CABCOCO1: variants seen among roughly 807,000 people sequenced by gnomAD.
The protein encoded by CABCOCO1 is ciliary associated calcium binding coiled-coil 1.
Under a neutral mutation model 35.7 loss-of-function variants are expected in CABCOCO1, and 28 were observed. The ratio of observed to expected loss-of-function variants is 0.78; its 90% confidence interval spans 0.58 to 1.07. CABCOCO1 has a LOEUF of 1.07. Ranked by LOEUF, CABCOCO1 falls within the 50% of genes least tolerant of loss-of-function variation. CABCOCO1 has a pLI of 0.00. For missense variants in CABCOCO1, 326 were observed against 309.2 expected, an observed-to-expected ratio of 1.05 and a Z score of -0.41; for synonymous variants, 95 against 100.1, an observed-to-expected ratio of 0.95 and a Z score of 0.30.
At position 61,751,804 on chromosome 10, in the gene CABCOCO1, T is replaced by C. The variant is rs80250381; in HGVS notation, c.553-8255T>C. Among the ~76,000 whole-genome samples, 197 of 152,202 alleles carry C rather than the reference T, an allele frequency of 1.3e-3. 2 individuals carry two copies. Among genetic ancestry groups the C allele is most frequent in the African/African-American group, 4.5e-3 (187 of 41,534 alleles). The stretch of plus-strand genomic sequence containing the variant: ...TAATTTTACAAACAAAGAAACCACA[T>C]CTCAGACCTACTCTCAACTGAGCAG... On this transcript the variant is annotated intron_variant, in intron 5 of 7. Transcript: ENST00000648843.
In CABCOCO1 at chr10:61,672,685, A is replaced by T. The variant is rs944985527; in HGVS notation, c.114A>T (p.Ser38=). The change falls in exon 2 of 8, where the codon TCA becomes TCT. Residue 38 remains serine (S), a synonymous_variant. Transcript: ENST00000648843. ...HEKILSPDFL[S]VAQITDLLME... ...AGATTCTGTCTCCGGATTTTCTTTCAGTTGCCCAAATCACTGATTTGTTAA... is the reference window on the plus strand; with the variant it reads ...AGATTCTGTCTCCGGATTTTCTTTCTGTTGCCCAAATCACTGATTTGTTAA... 2.0e-6 allele frequency: 2 copies of T among 985,124 alleles called. No individual in the cohort carries two copies. Among genetic ancestry groups the T allele is most frequent in the Non-Finnish European group, 2.4e-6 (2 of 829,746 alleles). The allele number at this position is 985,124 out of a possible 1,614,324, so 61.0% of individuals were successfully genotyped here.
chr10:61,719,543 A>C (rs10821914), intron 5 of CABCOCO1, among the ~76,000 whole-genome samples: 106,333 of 152,002 alleles, frequency 0.7, 38,158 homozygotes, highest in Middle Eastern at 0.89. Flanking sequence ...AGCATAGGGT[A>C]TACACTTGCA....
At chr10:61,665,373 T>C (rs1839133262) in intron 1 of CABCOCO1, among the ~76,000 whole-genome samples, 1 of 152,194 alleles carries the variant, frequency 6.6e-6, no homozygotes, top group Non-Finnish European at 1.5e-5. Context: ...AGTTCTTTAG[T>C]AATATTGGAG....
chr10:61,698,454 A>T (rs1246997797), intron 5 of CABCOCO1, among the ~76,000 whole-genome samples: 1 of 152,148 alleles, frequency 6.6e-6, no homozygotes, highest in Non-Finnish European at 1.5e-5. Context: ...ATTATAATAA[A>T]TATGATATAC....
intron 3 of CABCOCO1, among the ~76,000 whole-genome samples, chr10:61,682,135 A>C (rs531308907): frequency 1.3e-5 from 2 of 152,304 alleles, no homozygotes; most frequent in African/African-American, 4.8e-5. Context: ...AAATTTGAGA[A>C]GATATTTCTT....
chr10:61,663,570 T>C (rs2131937817), intron 1 of CABCOCO1, among the ~76,000 whole-genome samples: 1 of 152,246 alleles, frequency 6.6e-6, no homozygotes, highest in East Asian at 1.9e-4. Flanking sequence ...TTTGCCATTT[T>C]CCTAAACAAA....
chr10:61,753,712 C>T (rs568403596), intron 5 of CABCOCO1, among the ~76,000 whole-genome samples: 44 of 152,206 alleles, frequency 2.9e-4, no homozygotes, highest in African/African-American at 1.0e-3. Flanking sequence ...AAACACTCTC[C>T]TTTTCTAAAT....
chr10:61,710,267 T>A (rs959794034), intron 5 of CABCOCO1, among the ~76,000 whole-genome samples: 14 of 55,970 alleles, frequency 2.5e-4, no homozygotes, highest in African/African-American at 3.6e-4. Context: ...TGTGTGTGTG[T>A]GTGTGTGTGT....
intron 5 of CABCOCO1, among the ~76,000 whole-genome samples, chr10:61,707,881 G>A (rs1483311343): frequency 1.3e-5 from 2 of 151,960 alleles, no homozygotes; most frequent in Admixed American, 6.6e-5. Flanking sequence ...CATGAGCTTG[G>A]TTCAAAGGTA....
chr10:61,688,382 T>A (rs1840029081), intron 4 of CABCOCO1, among the ~76,000 whole-genome samples: 1 of 152,114 alleles, frequency 6.6e-6, no homozygotes. Context: ...GACAATAAAA[T>A]GGAAATTTCA....
At chr10:61,691,143 A>G (rs189042494) in intron 5 of CABCOCO1, among the ~76,000 whole-genome samples, 17 of 152,128 alleles carry the variant, frequency 1.1e-4, no homozygotes, top group African/African-American at 4.1e-4. Context: ...GTGCCAAATG[A>G]TCTCTTATTG....
At chr10:61,730,321 C>T (rs149883289) in intron 5 of CABCOCO1, among the ~76,000 whole-genome samples, 1 of 152,034 alleles carries the variant, frequency 6.6e-6, no homozygotes, top group Non-Finnish European at 1.5e-5. Flanking sequence ...CTTGAAGGGA[C>T]TCCTCCTAGC....
At chr10:61,756,817 G>GT (rs2132088040) in intron 5 of CABCOCO1, among the ~76,000 whole-genome samples, 1 of 151,320 alleles carries the variant, frequency 6.6e-6, no homozygotes, top group Admixed American at 6.6e-5. Flanking sequence ...AAATAGGAGT[G>GT]TTTTTTTAAT....
chr10:61,713,699 T>C (rs1840788398), intron 5 of CABCOCO1, among the ~76,000 whole-genome samples: 1 of 152,202 alleles, frequency 6.6e-6, no homozygotes, highest in African/African-American at 2.4e-5. Flanking sequence ...ATACCTAGTT[T>C]ATTGAGAGTA....
intron 5 of CABCOCO1, among the ~76,000 whole-genome samples, chr10:61,729,667 G>A (rs893121921): frequency 4.6e-5 from 7 of 152,144 alleles, no homozygotes; most frequent in African/African-American, 1.7e-4. Context: ...TAGCACTCCT[G>A]TGTTCACCAC....
intron 5 of CABCOCO1, among the ~76,000 whole-genome samples, chr10:61,697,127 G>A (rs1162104654): frequency 1.3e-5 from 2 of 152,078 alleles, no homozygotes; most frequent in Non-Finnish European, 2.9e-5. Context: ...TTTTGTGAAT[G>A]TGAATATCTT....
In CABCOCO1 at chr10:61,681,298, T is replaced by A; in HGVS notation, c.320T>A (p.Leu107His). ...TTTATGACTTTACTAGCTATGTCAC[T>A]TCAAAATCTTAAAAGTAAGTACACT... is the stretch of plus-strand genomic sequence containing the variant. ...SKFMTLLAMS[L>H]QNLKTLHMSL... is the part of the protein sequence containing the mutation. Residue 107 changes from leucine to histidine, a missense_variant, in exon 3 of 8, where the codon CTT becomes CAT. Leu to His is a moderately conservative substitution (Grantham distance 99). Coordinates refer to ENST00000648843, the MANE Select transcript of CABCOCO1 (RefSeq NM_001366906.2). The A allele has an allele frequency of 6.5e-7, 1 of 1,547,730 alleles. No homozygotes were observed. Among genetic ancestry groups the A allele is most frequent in the Non-Finnish European group, 8.8e-7 (1 of 1,132,842 alleles).
chr10:61,709,727 A>T (rs1418666024), intron 5 of CABCOCO1, among the ~76,000 whole-genome samples: 1 of 152,018 alleles, frequency 6.6e-6, no homozygotes, highest in Admixed American at 6.6e-5. Flanking sequence ...CAACAACTCA[A>T]TGCTGCTTCC....
intron 5 of CABCOCO1, among the ~76,000 whole-genome samples, chr10:61,722,214 C>T (rs138013828): frequency 0.014 from 2,129 of 152,172 alleles, 43 homozygotes; most frequent in African/African-American, 0.048. Context: ...GCAGCCATCA[C>T]AAATTTTTAA....
Sources: allele counts gnomAD v4.1 joint callset (sites outside exome capture counted in the v4.1 genomes callset), GRCh38; gene constraint gnomAD v4.1.1; transcripts MANE v1.5; gene names NCBI Gene and HGNC (gene_info 2026-07-23, HGNC 2026-07-21).